The following MOV10 variants were observed in gnomAD, a reference collection of about 807,000 sequenced individuals.
The protein encoded by MOV10 is Mov10 RNA helicase.
Under a neutral mutation model 108.4 loss-of-function variants are expected in MOV10, and 39 were observed. The observed-to-expected ratio is 0.36, with a 90% CI of 0.28 to 0.47. The LOEUF (loss-of-function observed/expected upper bound fraction) is 0.47. MOV10 is among the 20% of genes least tolerant of loss of function. The probability of loss-of-function intolerance (pLI) is 1.00; values close to 1 mark genes in which losing one functional copy is unlikely to be tolerated. For missense variants in MOV10, 952 were observed against 1,297.6 expected (o/e 0.73, Z 4.09); for synonymous variants, 490 against 523.1 (o/e 0.94, Z 0.86).
At chr1:112,691,913 A>C in intron 6 of MOV10, 114 bp downstream of exon 6, 1 of 1,178,316 alleles carries the variant, frequency 8.5e-7, no homozygotes, top group Non-Finnish European at 1.2e-6. Context: ...TCATTCCCTT[A>C]CTGAGCACGC....
At chr1:112,693,025 G>A (rs1285115112) in intron 7 of MOV10, 96 bp downstream of exon 7, 8 of 1,256,478 alleles carry the variant, frequency 6.4e-6, no homozygotes, top group Non-Finnish European at 7.7e-6. Context: ...CAGAACAAGA[G>A]GAAAGTTGAA....
rs1211287542 is a variant in MOV10 at position 112,689,136 on chromosome 1, C to G, written c.339C>G (p.Asp113Glu). The G allele has an allele frequency of 1.3e-6, 2 of 1,593,814 alleles. No individual in the cohort carries two copies. Among genetic ancestry groups the G allele is most frequent in the Non-Finnish European group, 8.5e-7 (1 of 1,169,974 alleles). ...CACTGCTAGCCAAGATCTTTTATGACAGGTGTGTGTGTGTTGTATGTTGTG... is the reference window on the plus strand; with the variant it reads ...CACTGCTAGCCAAGATCTTTTATGAGAGGTGTGTGTGTGTTGTATGTTGTG... ...HKSLLAKIFY[D>E]RAEYLHGKHG... Residue 113 changes from aspartate (D) to glutamate (E), a missense_variant and splice_region_variant, in exon 3 of 21, where the codon GAC (aspartate) becomes GAG (glutamate). This residue lies in a region of MOV10 where 374 missense variants were observed against 468.6 expected (regional missense o/e 0.80). Coordinates refer to ENST00000369645, the MANE Select transcript of MOV10 (RefSeq NM_001321324.2).
Position 112,694,906 on chromosome 1 carries a change from G to C in MOV10, c.1620+10G>C. The C allele has an allele frequency of 6.2e-7, 1 of 1,613,062 alleles. No individual in the cohort carries two copies. The highest frequency in any genetic ancestry group is 8.5e-7 in the Non-Finnish European group (1 of 1,179,376). On this transcript the variant is annotated intron_variant, in intron 10 of 20. Coordinates refer to ENST00000369645, the MANE Select transcript of MOV10 (RefSeq NM_001321324.2). This position sits in a 1 kb window ranked among gnomAD's most constrained non-coding sequence, Gnocchi z 4.1. ...GGAGGCAATTAAGCAGGTGGGGTCT[G>C]AGCACAAACCTGGGGCCTGCACTCT...
chr1:112,700,055 CG>C (rs1674507297), intron 19 of MOV10, 73 bp downstream of exon 19: 5 of 1,592,526 alleles, frequency 3.1e-6, no homozygotes, highest in Non-Finnish European at 3.4e-6. Flanking sequence ...CTTTTTTAAG[CG>C]CTTGCTTATC....
chr1:112,684,261 G>GAT (rs1672889112), intron 2 of MOV10, among the ~76,000 whole-genome samples: 1 of 134,640 alleles, frequency 7.4e-6, no homozygotes, highest in African/African-American at 2.8e-5. Context: ...CAGTCCCTGG[G>GAT]ATTTTTTTTT....
chr1:112,689,387 A>AC lies in MOV10; in HGVS notation c.342-21dup, dbSNP rs3833533. ...CCCCAGTCAGACCGCTCCCACCCCAACCCCCCCTTGACTCCCCTTCTCCCC... is the reference window on the plus strand; with the variant it reads ...CCCCAGTCAGACCGCTCCCACCCCAACCCCCCCCTTGACTCCCCTTCTCCCC... On this transcript the variant is annotated intron_variant, in intron 3 of 20. Coordinates refer to ENST00000369645, the MANE Select transcript of MOV10 (RefSeq NM_001321324.2). 4.5e-4 allele frequency: 441 copies of AC among 980,456 alleles called. 4 individuals carry two copies. The East Asian group carries it at 0.01, about 23-fold the overall frequency. The allele number at this position is 980,456 out of a possible 1,614,324, so 60.7% of individuals were successfully genotyped here. A position where few individuals can be genotyped will look rare whatever the true frequency, so the allele number is the denominator to read the frequency against.
chr1:112,698,059 C>G lies in MOV10; in HGVS notation c.2264C>G (p.Ala755Gly). The G allele has an allele frequency of 6.2e-7, 1 of 1,614,210 alleles. No individual in the cohort carries two copies. ...TATGAAGGGGAGCTGCAGGCCTGTG[C>G]TGATGTCGTGGATCGAGAACGCTTC... is the stretch of plus-strand genomic sequence containing the variant. ...LYYEGELQAC[A>G]DVVDRERFCR... The change falls in exon 15 of 21, where the codon GCT becomes GGT. Residue 755 changes from alanine to glycine, a missense_variant. Physicochemically the swap from Ala to Gly is moderately conservative, Grantham distance 60. Transcript: ENST00000369645.
chr1:112,698,455 G>C lies in MOV10; in HGVS notation c.2485G>C (p.Val829Leu). The change falls in exon 16 of 21, where the codon GTC becomes CTC. Residue 829 changes from valine to leucine, a missense_variant. Coordinates refer to ENST00000369645, the MANE Select transcript of MOV10 (RefSeq NM_001321324.2). Reference protein sequence around the residue: ...KARLSPRSVGVISPYRKQVEK... With the variant: ...KARLSPRSVGLISPYRKQVEK... ...TCGCCTGAGCCCTCGAAGTGTGGGC[G>C]TCATCTCCCCGTACCGGAAACAGGT... 6.2e-7 allele frequency: 1 copy of C among 1,614,018 alleles called. No individual in the cohort carries two copies.
chr1:112,692,685 G>A, intron 6 of MOV10, 76 bp from the exon 7 acceptor site: 1 of 1,554,772 alleles, frequency 6.4e-7, no homozygotes, highest in Non-Finnish European at 8.7e-7. Context: ...GGAGAAGGTG[G>A]ATACTCCTGG....
rs1442786258 is a variant in MOV10 at position 112,675,103 on chromosome 1, AC to A, written c.137+59del. On this transcript the variant is annotated intron_variant, in intron 2 of 20. Coordinates refer to ENST00000369645, the MANE Select transcript of MOV10 (RefSeq NM_001321324.2). The surrounding 1 kb of genome is among the most constrained non-coding windows in gnomAD (Gnocchi z 4.7). ...ATCGCGGGCCCAGCTTGCTGCCACG[AC>A]CCCCGCGCGAGGGCCACCTTTCCCG... The A allele has an allele frequency of 1.2e-5, 19 of 1,557,222 alleles. No individual in the cohort carries two copies. Among genetic ancestry groups the A allele is most frequent in the Admixed American group, 2.0e-5 (1 of 49,630 alleles).
intron 2 of MOV10, chr1:112,687,056 C>T (rs1216514426): frequency 2.2e-6 from 1 of 456,444 alleles, no homozygotes; most frequent in Non-Finnish European, 4.4e-6. Context: ...TTAAAACCCA[C>T]CAACCGCAGT....
intron 5 of MOV10, 146 bp from the exon 6 acceptor site, chr1:112,691,519 G>C: frequency 1.1e-6 from 1 of 889,026 alleles, no homozygotes; most frequent in Non-Finnish European, 1.7e-6. Flanking sequence ...TTCCAAAAAT[G>C]AGAGTAGTCC....
intron 14 of MOV10, among the ~76,000 whole-genome samples, chr1:112,697,088 G>T (rs1674172162): frequency 6.6e-6 from 1 of 152,188 alleles, no homozygotes; most frequent in South Asian, 2.1e-4. Flanking sequence ...GGTGGTCAGT[G>T]GTTCCTAGAG....
chr1:112,696,689 C>A lies in MOV10; in HGVS notation c.2041C>A (p.Pro681Thr), dbSNP rs370183923. 6.2e-7 allele frequency: 1 copy of A among 1,609,870 alleles called. No homozygotes were observed. The highest frequency in any genetic ancestry group is 2.2e-5 in the East Asian group (1 of 44,742). The part of the protein sequence containing the change: ...PGGQLVLAGD[P>T]RQLGPVLRSP... ...AGGGCAGCTGGTGCTGGCAGGAGAC[C>A]CTCGGCAGCTGGGGCCTGTGCTGCG... Residue 681 changes from proline (P) to threonine (T), a missense_variant, in exon 14 of 21, where the codon CCT becomes ACT. Physicochemically the swap from Pro to Thr is conservative, Grantham distance 38. Coordinates refer to ENST00000369645, the MANE Select transcript of MOV10 (RefSeq NM_001321324.2).
At position 112,696,762 on chromosome 1, in the gene MOV10, G is replaced by A. The variant is rs765934294; in HGVS notation, c.2114G>A (p.Arg705Gln). The change falls in exon 14 of 21, where the codon CGG (arginine) becomes CAG (glutamine). Residue 705 changes from arginine to glutamine, a missense_variant. Arg to Gln is a conservative substitution (Grantham distance 43, BLOSUM62 1). Around this residue, in one of 5 missense-constraint regions of MOV10, gnomAD observed 453 missense variants for 611.5 expected, o/e 0.74. Coordinates refer to ENST00000369645, the MANE Select transcript of MOV10 (RefSeq NM_001321324.2). ...KHGLGYSLLE[R>Q]LLTYNSLYKK... ...GGACTGGGATACTCACTGCTGGAGC[G>A]GCTGCTCACCTACAACTCCCTGTAC... 2.5e-6 allele frequency: 4 copies of A among 1,605,110 alleles called. No individual in the cohort carries two copies. The highest frequency in any genetic ancestry group is 2.6e-6 in the Non-Finnish European group (3 of 1,175,554).
At position 112,694,495 on chromosome 1, in the gene MOV10, C is replaced by G. The variant is rs1249783824; in HGVS notation, c.1338C>G (p.Asn446Lys). Reference protein sequence around the residue: ...RFVDGLTFKVNFTFNRQPLRV... With the variant: ...RFVDGLTFKVKFTFNRQPLRV... ...TGGATGGGCTGACCTTCAAGGTGAA[C>G]TTTACCTTCAACCGCCAGCCGCTGC... Residue 446 changes from asparagine to lysine, a missense_variant, in exon 9 of 21, where the codon AAC becomes AAG. By Grantham distance (94) the Asn-to-Lys change is moderately conservative (BLOSUM62 0). This residue lies in a region of MOV10 where 453 missense variants were observed against 611.5 expected (regional missense o/e 0.74). Coordinates refer to ENST00000369645, the MANE Select transcript of MOV10 (RefSeq NM_001321324.2). This position sits in a 1 kb window ranked among gnomAD's most constrained non-coding sequence, Gnocchi z 4.1. 6.2e-7 allele frequency: 1 copy of G among 1,614,142 alleles called. No individual in the cohort carries two copies. Among genetic ancestry groups the G allele is most frequent in the South Asian group, 1.1e-5 (1 of 91,086 alleles).
At chr1:112,695,024 T>C (rs1673938535) in intron 10 of MOV10, 128 bp downstream of exon 10, 2 of 1,205,166 alleles carry the variant, frequency 1.7e-6, no homozygotes, top group Non-Finnish European at 2.3e-6. Context: ...GAAAGAGAGG[T>C]AGGGGCCGGG....
At position 112,695,563 on chromosome 1, in the gene MOV10, G is replaced by A; in HGVS notation, c.1768G>A (p.Glu590Lys). Residue 590 changes from glutamate (E) to lysine (K), a missense_variant, in exon 11 of 21, where the codon GAG (glutamate) becomes AAG (lysine). Glu to Lys is a moderately conservative substitution (Grantham distance 56). This residue lies in a region of MOV10 where 453 missense variants were observed against 611.5 expected (regional missense o/e 0.74). Transcript: ENST00000369645. ...APSRDIRMVPEDIKPCCNWDA... is the reference protein window; with the variant it reads ...APSRDIRMVPKDIKPCCNWDA... Reference sequence around the variant, plus strand: ...CAGCAGGGACATCCGCATGGTACCTGAGGACATCAAGGTACTAGGGAAGTG... The same window carrying A: ...CAGCAGGGACATCCGCATGGTACCTAAGGACATCAAGGTACTAGGGAAGTG... 1.2e-6 allele frequency: 2 copies of A among 1,613,936 alleles called. No homozygotes were observed.
In MOV10 at chr1:112,675,298, T is replaced by C. The variant is rs911777196; in HGVS notation, c.137+249T>C. ...AGTCGCCGCGGAGAGCCTCCCGCGC[T>C]GCCCGCGCCCCCGGAGGCCGGAACC... On this transcript the variant is annotated intron_variant, in intron 2 of 20. Coordinates refer to ENST00000369645, the MANE Select transcript of MOV10 (RefSeq NM_001321324.2). This position sits in a 1 kb window ranked among gnomAD's most constrained non-coding sequence, Gnocchi z 4.7. 2.6e-5 allele frequency among the ~76,000 whole-genome samples: 4 copies of C among 151,948 alleles called. No individual in the cohort carries two copies. Among genetic ancestry groups the C allele is most frequent in the African/African-American group, 7.2e-5 (3 of 41,404 alleles).
Sources: allele counts gnomAD v4.1 joint callset (sites outside exome capture counted in the v4.1 genomes callset), GRCh38; gene constraint gnomAD v4.1.1; regional missense constraint gnomAD v4.1.1; non-coding constraint Gnocchi (gnomAD v3.1); transcripts MANE v1.5; gene names NCBI Gene and HGNC (gene_info 2026-07-23, HGNC 2026-07-21).